Variants in ATP8A2 observed in about 807,000 individuals in gnomAD.
The protein encoded by ATP8A2 is ATPase phospholipid transporting 8A2.
In ATP8A2, 100 loss-of-function variants were observed where a neutral mutation model predicts 165.6. That is an observed-to-expected ratio of 0.60 (90% confidence interval 0.51 to 0.71). ATP8A2 has a LOEUF of 0.71. ATP8A2 is among the 30% of genes least tolerant of loss of function. The pLI is 0.00. For synonymous variants in ATP8A2, 543 were observed against 548.8 expected (o/e 0.99, Z 0.15); for missense variants, 1,227 against 1,479.5 (o/e 0.83, Z 2.80).
At chr13:25,432,075 T>C (rs965379142) in intron 1 of ATP8A2, among the ~76,000 whole-genome samples, 1 of 152,252 alleles carries the variant, frequency 6.6e-6, no homozygotes, top group Non-Finnish European at 1.5e-5. Flanking sequence ...ACCTTATTCT[T>C]TTATTTACTG....
intron 36 of ATP8A2, among the ~76,000 whole-genome samples, chr13:26,014,210 A>C (rs1158065532): frequency 6.6e-6 from 1 of 152,134 alleles, no homozygotes; most frequent in Non-Finnish European, 1.5e-5. Context: ...CTGCATCTGT[A>C]AAGTTGGGTA....
intron 27 of ATP8A2, among the ~76,000 whole-genome samples, chr13:25,817,857 T>A (rs969493027): frequency 1.3e-4 from 19 of 151,988 alleles, no homozygotes; most frequent in Middle Eastern, 3.4e-3. Context: ...TTTGAAAAAA[T>A]TTTTGTAGAG....
At chr13:25,796,337 T>C (rs1950497569) in intron 27 of ATP8A2, among the ~76,000 whole-genome samples, 3 of 152,222 alleles carry the variant, frequency 2.0e-5, no homozygotes, top group South Asian at 2.1e-4. Flanking sequence ...AATTGTGTGG[T>C]TATGACCTAG....
chr13:25,442,008 C>G (rs1460791435), intron 1 of ATP8A2, among the ~76,000 whole-genome samples: 3 of 152,302 alleles, frequency 2.0e-5, no homozygotes, highest in Admixed American at 2.0e-4. Flanking sequence ...TCACTTTTTG[C>G]TTATTTCACT....
chr13:25,510,218 CACAG>C (rs754016562), intron 2 of ATP8A2, among the ~76,000 whole-genome samples: 14,765 of 64,606 alleles, frequency 0.23, 869 homozygotes, highest in Middle Eastern at 0.32. Context: ...CACACACACA[CACAG>C]AGAATGTTGA....
At chr13:25,962,762 C>T (rs1224275403) in intron 34 of ATP8A2, among the ~76,000 whole-genome samples, 1 of 152,164 alleles carries the variant, frequency 6.6e-6, no homozygotes, top group Non-Finnish European at 1.5e-5. Context: ...GCCCTCCGTT[C>T]CTCCCACACT....
At position 25,902,884 on chromosome 13, in the gene ATP8A2, C is replaced by T. The variant is rs536596844; in HGVS notation, c.3183+40476C>T. 7.0e-4 allele frequency among the ~76,000 whole-genome samples: 106 copies of T among 151,178 alleles called. 1 individual carries two copies. The highest frequency in any genetic ancestry group is 1.2e-3 in the Non-Finnish European group (81 of 67,894). The stretch of plus-strand genomic sequence containing the variant: ...TTCCTCCTAAATGTCTGTGGTCTTT[C>T]GGTCCCTGAAAATCAACTGTCAAAC... On this transcript the variant is annotated intron_variant, in intron 33 of 36. Coordinates refer to ENST00000381655, the MANE Select transcript of ATP8A2 (RefSeq NM_016529.6).
chr13:26,002,562 TA>T (rs56339912), intron 35 of ATP8A2, among the ~76,000 whole-genome samples: 4,391 of 135,356 alleles, frequency 0.032, 68 homozygotes, highest in South Asian at 0.067. Flanking sequence ...CTTAAAGTAT[TA>T]AAAAAAAAAA....
At chr13:25,725,503 A>G (rs2043473497) in intron 25 of ATP8A2, among the ~76,000 whole-genome samples, 1 of 152,186 alleles carries the variant, frequency 6.6e-6, no homozygotes, top group Non-Finnish European at 1.5e-5. Context: ...AGCATCAAGG[A>G]CAACAGACAG....
At chr13:25,783,570 A>G (rs1263575025) in intron 27 of ATP8A2, among the ~76,000 whole-genome samples, 2 of 152,150 alleles carry the variant, frequency 1.3e-5, no homozygotes, top group Non-Finnish European at 2.9e-5. Context: ...ACAGCTTGCA[A>G]TGAGAACTGT....
At chr13:25,635,082 G>A (rs2041336755) in intron 24 of ATP8A2, among the ~76,000 whole-genome samples, 1 of 152,178 alleles carries the variant, frequency 6.6e-6, no homozygotes, top group South Asian at 2.1e-4. Flanking sequence ...CCATGAGTTA[G>A]GATTGTATTG....
chr13:25,750,224 A>G lies in ATP8A2; in HGVS notation c.2385-18822A>G, dbSNP rs1205106179. On this transcript the variant is annotated intron_variant, in intron 25 of 36. Coordinates refer to ENST00000381655, the MANE Select transcript of ATP8A2 (RefSeq NM_016529.6). The surrounding 1 kb of genome is among the most constrained non-coding windows in gnomAD (Gnocchi z 4.3). ...TCGTGTGGAAGACAGGCCGGTGTCCAGAAAGCAGCTCCTGACCCAGGCAGA... is the reference window on the plus strand; with the variant it reads ...TCGTGTGGAAGACAGGCCGGTGTCCGGAAAGCAGCTCCTGACCCAGGCAGA... Among the ~76,000 whole-genome samples, 1 of 152,200 alleles carries G rather than the reference A, an allele frequency of 6.6e-6. No individual in the cohort carries two copies. Among genetic ancestry groups the G allele is most frequent in the Non-Finnish European group, 1.5e-5 (1 of 68,028 alleles).
chr13:25,422,376 C>A (rs188213689), intron 1 of ATP8A2, among the ~76,000 whole-genome samples: 287 of 152,322 alleles, frequency 1.9e-3, no homozygotes, highest in Non-Finnish European at 3.3e-3. Context: ...TGAGAGCACA[C>A]ACTTGGAAGG....
At chr13:25,648,685 A>G (rs1593132895) in intron 24 of ATP8A2, among the ~76,000 whole-genome samples, 2 of 152,302 alleles carry the variant, frequency 1.3e-5, no homozygotes, top group South Asian at 4.1e-4. Flanking sequence ...AAACAAAACA[A>G]AAATGGAATA....
Position 25,786,859 on chromosome 13 carries a change from G to A in ATP8A2, c.2679+11900G>A, listed in dbSNP as rs145660461. ...CAACCTCTGCCTCCTGGGTTTAAGC[G>A]ATTCTCCTGCCTCAGCCTCCCCAGT... On this transcript the variant is annotated intron_variant, in intron 27 of 36. Transcript: ENST00000381655. Among the ~76,000 whole-genome samples, 601 of 151,254 alleles carry A rather than the reference G, an allele frequency of 4.0e-3. 4 individuals are homozygous for A. The highest frequency in any genetic ancestry group is 0.014 in the African/African-American group (576 of 41,170).
At chr13:25,471,293 G>T (rs1192563108) in intron 2 of ATP8A2, among the ~76,000 whole-genome samples, 1 of 145,208 alleles carries the variant, frequency 6.9e-6, no homozygotes, top group African/African-American at 2.5e-5. Flanking sequence ...AAGGCTGGGA[G>T]AAAAAAAAAA....
chr13:25,615,765 A>G (rs889593135), intron 24 of ATP8A2, among the ~76,000 whole-genome samples: 4 of 151,986 alleles, frequency 2.6e-5, no homozygotes, highest in Non-Finnish European at 5.9e-5. Flanking sequence ...AGCTCTCTAA[A>G]TTTGCCTCAG....
chr13:25,748,718 G>T (rs1169295118), intron 25 of ATP8A2, among the ~76,000 whole-genome samples: 6 of 152,196 alleles, frequency 3.9e-5, no homozygotes, highest in African/African-American at 1.4e-4. Context: ...ATGCTTTTAA[G>T]CCCCAAATGG....
chr13:25,553,962 A>G (rs141267504), intron 12 of ATP8A2, 42 bp downstream of exon 12: 3 of 1,582,598 alleles, frequency 1.9e-6, no homozygotes, highest in African/African-American at 2.7e-5. Flanking sequence ...TTCCAATGCT[A>G]TTTCAGAGCC....
Sources: gnomAD v4.1 joint callset for allele counts (sites outside exome capture counted in the v4.1 genomes callset) on GRCh38, gnomAD v4.1.1 for gene constraint, Gnocchi (gnomAD v3.1) non-coding constraint, MANE v1.5 for transcripts, NCBI Gene and HGNC (gene_info 2026-07-23, HGNC 2026-07-21) for gene names.